Variants in AGAP4 observed in about 807,000 individuals in gnomAD.
AGAP4 encodes arf-GAP with GTPase, ANK repeat and PH domain-containing protein 4.
Under a neutral mutation model 60.7 loss-of-function variants are expected in AGAP4, and 13 were observed. The observed-to-expected ratio is 0.21, with a 90% confidence interval of 0.14 to 0.34. The LOEUF is 0.34. Ranked by LOEUF, AGAP4 falls within the 10% of genes least tolerant of loss-of-function variation. The pLI, the probability that AGAP4 is intolerant of heterozygous loss-of-function variation, is 1.00. For synonymous variants in AGAP4, 70 were observed against 339.0 expected (o/e 0.21, Z 8.72); for missense variants, 169 against 884.0 (o/e 0.19, Z 10.26).
intron 4 of AGAP4, among the ~76,000 whole-genome samples, chr10:45,834,775 T>A (rs1354786378): frequency 7.1e-6 from 1 of 140,210 alleles, no homozygotes; most frequent in Non-Finnish European, 1.5e-5. Context: ...AATTAATTAA[T>A]TTATTTATTT....
chr10:45,841,356 C>A (rs1554898671), intron 4 of AGAP4, among the ~76,000 whole-genome samples: 2 of 148,496 alleles, frequency 1.3e-5, no homozygotes, highest in African/African-American at 4.9e-5. Flanking sequence ...CCTGCCTCGG[C>A]CTCCTAAAGT....
chr10:45,829,838 T>A lies in AGAP4; in HGVS notation c.533+1556A>T, dbSNP rs1459555720. Among the ~76,000 whole-genome samples the A allele has an allele frequency of 5.6e-4, 85 of 150,606 alleles. 1 individual carries two copies. Among genetic ancestry groups the A allele is most frequent in the Non-Finnish European group, 9.8e-4 (66 of 67,306 alleles). ...TCCTTCTACTGTAGGCTTGGCAGCTTTTCAATACTTAAAGGCGTGTTAAAG... is the reference window on the plus strand; with the variant it reads ...TCCTTCTACTGTAGGCTTGGCAGCTATTCAATACTTAAAGGCGTGTTAAAG... On this transcript the variant is annotated intron_variant, in intron 6 of 7. Transcript: ENST00000616763.
intron 3 of AGAP4, among the ~76,000 whole-genome samples, chr10:45,841,901 T>A (rs2135955251): frequency 6.6e-6 from 1 of 152,058 alleles, no homozygotes; most frequent in Admixed American, 6.5e-5. Context: ...ACTTTTTGTT[T>A]CTATTACACA....
chr10:45,838,642 GT>G (rs1292197216), intron 4 of AGAP4, among the ~76,000 whole-genome samples: 1 of 150,540 alleles, frequency 6.6e-6, no homozygotes, highest in Non-Finnish European at 1.5e-5. Flanking sequence ...TGCAATTATA[GT>G]TAACTGCAGC....
rs1295737757 is a variant in AGAP4 at position 45,831,725 on chromosome 10, A to G, written c.498-296T>C. On this transcript the variant is annotated intron_variant, in intron 5 of 7. Transcript: ENST00000616763. ...TTCTACCCACGAAACCTTTCGTCCCATGCGATTTATTTTATGTATTTATTT... is the reference window on the plus strand; with the variant it reads ...TTCTACCCACGAAACCTTTCGTCCCGTGCGATTTATTTTATGTATTTATTT... Among the ~76,000 whole-genome samples the G allele has an allele frequency of 5.1e-3, 580 of 114,372 alleles. 9 individuals carry two copies. The highest frequency in any genetic ancestry group is 0.025 in the Middle Eastern group (6 of 244). 75.0% of individuals were successfully genotyped at this position (114,372 alleles called of 152,430 possible).
At chr10:45,834,151 A>G (rs1642594584) in intron 4 of AGAP4, 35 bp from the exon 5 acceptor site, 1 of 1,478,684 alleles carries the variant, frequency 6.8e-7, no homozygotes, top group Admixed American at 1.8e-5. Flanking sequence ...CAAACTTATC[A>G]AAGTGTATTA....
Position 45,847,498 on chromosome 10 carries a change from G to A in AGAP4, c.-151C>T, listed in dbSNP as rs1368291852. On this transcript the variant is annotated 5_prime_UTR_variant, in exon 1 of 8. Transcript: ENST00000616763. ...CCTCACAGCGCGGCCCCGGGCACCA[G>A]CCCTGGCCCTGGCCCTGGCCCCGGC... 4.1e-5 allele frequency: 63 copies of A among 1,523,396 alleles called. No individual in the cohort carries two copies. The South Asian group carries it at 7.3e-4, about 18-fold the overall frequency. The allele number at this position is 1,523,396 out of a possible 1,614,324, so 94.4% of individuals were successfully genotyped here.
chr10:45,853,865 C>A, exon 1 of AGAP4: 1 of 1,246,528 alleles, frequency 8.0e-7, no homozygotes, highest in Non-Finnish European at 1.0e-6. Context: ...AGCCACCTTT[C>A]ACTTCCTATC....
intron 4 of AGAP4, among the ~76,000 whole-genome samples, chr10:45,839,984 G>T (rs1323231223): frequency 2.0e-5 from 3 of 150,336 alleles, no homozygotes; most frequent in South Asian, 2.1e-4. Context: ...AGGCGTACTG[G>T]TCTAAGCAGC....
upstream of AGAP4, among the ~76,000 whole-genome samples, chr10:45,849,837 T>C (rs1313894759): frequency 3.3e-5 from 5 of 151,186 alleles, no homozygotes; most frequent in Non-Finnish European, 5.9e-5. Flanking sequence ...ACGGGGTTTC[T>C]GCACGTTGGT....
chr10:45,852,251 G>A (rs1371757865), upstream of AGAP4, among the ~76,000 whole-genome samples: 1 of 129,920 alleles, frequency 7.7e-6, no homozygotes, highest in Non-Finnish European at 1.6e-5. Context: ...AAACTACTGT[G>A]GGAAAAAGGA....
At chr10:45,852,076 C>A (rs1413795829), upstream of AGAP4, among the ~76,000 whole-genome samples, 1 of 149,868 alleles carries the variant, frequency 6.7e-6, no homozygotes, top group Non-Finnish European at 1.5e-5. Flanking sequence ...CCATGTCCAG[C>A]TAATTTTTTG....
chr10:45,826,915 G>A lies in AGAP4; in HGVS notation c.1061C>T (p.Pro354Leu). The A allele has an allele frequency of 3.7e-6, 5 of 1,341,150 alleles. No homozygotes were observed. Among genetic ancestry groups the A allele is most frequent in the East Asian group, 2.4e-5 (1 of 41,958 alleles). 83.1% of individuals were successfully genotyped at this position (1,341,150 alleles called of 1,614,324 possible). A position where few individuals can be genotyped will look rare whatever the true frequency, so the allele number is the denominator to read the frequency against. The change falls in exon 8 of 8, where the codon CCC becomes CTC. Residue 354 changes from proline to leucine, a missense_variant. Coordinates refer to ENST00000616763, the MANE Select transcript of AGAP4 (RefSeq NM_001276343.3). ...WPSLATSACTPISTSKSNGLS... is the reference protein window; with the variant it reads ...WPSLATSACTLISTSKSNGLS... Reference sequence around the variant, plus strand: ...GCCATTGCTTTTAGAGGTGGAGATGGGTGTGCAGGCCGATGTGGCTAGGGA... The same window carrying A: ...GCCATTGCTTTTAGAGGTGGAGATGAGTGTGCAGGCCGATGTGGCTAGGGA...
At chr10:45,850,789 A>G (rs1182632335), upstream of AGAP4, among the ~76,000 whole-genome samples, 1 of 151,848 alleles carries the variant, frequency 6.6e-6, no homozygotes, top group East Asian at 1.9e-4. Context: ...CTGGCCAAGA[A>G]TGTAGGAAGA....
At chr10:45,846,473 T>C (rs1448724330) in intron 2 of AGAP4, among the ~76,000 whole-genome samples, 9 of 151,964 alleles carry the variant, frequency 5.9e-5, no homozygotes, top group East Asian at 1.9e-4. Context: ...AGGAACTGTC[T>C]TGAGATTTGG....
At chr10:45,838,082 T>G (rs1377836162) in intron 4 of AGAP4, among the ~76,000 whole-genome samples, 1 of 147,620 alleles carries the variant, frequency 6.8e-6, no homozygotes, top group South Asian at 2.1e-4. Context: ...TATACATACA[T>G]ATATATATAT....
Position 45,826,714 on chromosome 10 carries a change from C to T in AGAP4, c.1262G>A (p.Trp421Ter), listed in dbSNP as rs1391541478. The part of the protein sequence containing the change: ...FMIVSATGQT[W>*]HFEATTYEER... ...CTCATACGTCGTGGCTTCAAAGTGC[C>T]ACGTTTGGCCAGTGGCAGACACAAT... is the stretch of plus-strand genomic sequence containing the variant. The change falls in exon 8 of 8, where the codon TGG becomes TAG. Residue 421 changes from tryptophan (W) to a stop codon, truncating the protein, a stop_gained. Transcript: ENST00000616763. LOFTEE classifies it high-confidence loss of function. 1 of 1,434,072 alleles carries T rather than the reference C, an allele frequency of 7.0e-7. No individual in the cohort carries two copies. Among genetic ancestry groups the T allele is most frequent in the East Asian group, 2.3e-5 (1 of 42,806 alleles). 88.8% of individuals were successfully genotyped at this position (1,434,072 alleles called of 1,614,324 possible). A position where few individuals can be genotyped will look rare whatever the true frequency, so the allele number is the denominator to read the frequency against.
At chr10:45,846,456 T>C (rs1228569753) in intron 2 of AGAP4, among the ~76,000 whole-genome samples, 17,396 of 151,752 alleles carry the variant, frequency 0.11, 1,093 homozygotes, top group Non-Finnish European at 0.14. Flanking sequence ...TCCCCAAATA[T>C]TTGAATAGGA....
At chr10:45,846,011 T>C (rs2135964703) in intron 2 of AGAP4, among the ~76,000 whole-genome samples, 1 of 115,150 alleles carries the variant, frequency 8.7e-6, no homozygotes, top group Admixed American at 9.3e-5. Context: ...AGGTCTGACA[T>C]TTTAACCTGC....
Sources: gnomAD v4.1 joint callset for allele counts (sites outside exome capture counted in the v4.1 genomes callset) on GRCh38, gnomAD v4.1.1 for gene constraint, MANE v1.5 for transcripts, NCBI Gene and HGNC (gene_info 2026-07-23, HGNC 2026-07-21) for gene names.